MAPK10: variants seen among roughly 807,000 people sequenced by gnomAD.
The protein encoded by MAPK10 is mitogen-activated protein kinase 10, also known as JNK3 alpha protein kinase.
MAPK10 carries 25 observed loss-of-function variants against 59.3 expected under a neutral mutation model. The ratio of observed to expected loss-of-function variants is 0.42; its 90% confidence interval spans 0.31 to 0.59. The LOEUF is 0.59. Ranked by LOEUF, MAPK10 falls within the 20% of genes least tolerant of loss-of-function variation. MAPK10 has a pLI of 0.15. For missense variants in MAPK10, 351 were observed against 568.9 expected (o/e 0.62, Z 3.90); for synonymous variants, 190 against 200.5 (o/e 0.95, Z 0.44).
At chr4:86,572,523 A>G (rs1761536565) in intron 1 of MAPK10, among the ~76,000 whole-genome samples, 2 of 152,212 alleles carry the variant, frequency 1.3e-5, no homozygotes, top group African/African-American at 4.8e-5. Context: ...CTATATGCAA[A>G]CAGGGCAGAA....
intron 3 of MAPK10, among the ~76,000 whole-genome samples, chr4:86,168,778 C>G (rs1041542113): frequency 6.6e-6 from 1 of 152,184 alleles, no homozygotes; most frequent in African/African-American, 2.4e-5. Flanking sequence ...GTCCCTGACC[C>G]CTGACCCCCG....
intron 9 of MAPK10, among the ~76,000 whole-genome samples, chr4:86,070,839 C>A (rs977612647): frequency 2.0e-5 from 3 of 151,984 alleles, no homozygotes; most frequent in African/African-American, 4.8e-5. Context: ...GTGAATAATG[C>A]CATAATAAAA....
At chr4:86,527,605 T>C (rs1460600143) in intron 1 of MAPK10, among the ~76,000 whole-genome samples, 3 of 152,114 alleles carry the variant, frequency 2.0e-5, no homozygotes, top group Non-Finnish European at 4.4e-5. Flanking sequence ...AGTTTGGAGA[T>C]TTCTCAAAGC....
chr4:86,103,168 A>T lies in MAPK10; in HGVS notation c.425+18T>A, dbSNP rs766013389. ...TGAGTGCTGTGCTCTCCCTTCCTTC[A>T]TGAGTTTTGTTACTTACACATCTTG... On this transcript the variant is annotated intron_variant, in intron 6 of 13. Transcript: ENST00000641462. 5.6e-6 allele frequency: 9 copies of T among 1,595,528 alleles called. No homozygotes were observed. In the Admixed American group the frequency reaches 1.5e-4, roughly 27 times the overall value.
chr4:86,419,370 C>T (rs1290002518), intron 1 of MAPK10, among the ~76,000 whole-genome samples: 1 of 152,060 alleles, frequency 6.6e-6, no homozygotes, highest in South Asian at 2.1e-4. Flanking sequence ...ACCTTGCATA[C>T]ATATCTAACA....
At chr4:86,157,844 T>C (rs994352992) in intron 4 of MAPK10, among the ~76,000 whole-genome samples, 2 of 152,054 alleles carry the variant, frequency 1.3e-5, no homozygotes, top group Non-Finnish European at 2.9e-5. Context: ...ATTAAAGGTC[T>C]ATCAGTTTTC....
intron 1 of MAPK10, among the ~76,000 whole-genome samples, chr4:86,544,428 T>C (rs2149096591): frequency 6.6e-6 from 1 of 152,348 alleles, no homozygotes; most frequent in African/African-American, 2.4e-5. Flanking sequence ...CTACATACTA[T>C]TCTTACTGGA....
chr4:86,228,282 A>G lies in MAPK10; in HGVS notation c.-6-33875T>C, dbSNP rs1194393579. Reference sequence around the variant, plus strand: ...TGGCTTGTGTGTATATGAAAAGTGTACTTGCAGGAGGGTCATTTGCTATCT... The same window carrying G: ...TGGCTTGTGTGTATATGAAAAGTGTGCTTGCAGGAGGGTCATTTGCTATCT... On this transcript the variant is annotated intron_variant, in intron 2 of 13. Coordinates refer to ENST00000641462, the MANE Select transcript of MAPK10 (RefSeq NM_138982.4). Among the ~76,000 whole-genome samples the G allele has an allele frequency of 2.6e-5, 4 of 152,176 alleles. No homozygotes were observed. In the South Asian group the frequency reaches 8.3e-4, roughly 32 times the overall value.
intron 1 of MAPK10, among the ~76,000 whole-genome samples, chr4:86,558,413 C>T (rs1371248742): frequency 1.3e-5 from 2 of 152,038 alleles, no homozygotes; most frequent in African/African-American, 4.8e-5. Context: ...CTCACCACAC[C>T]CCTCTGAGGC....
chr4:86,365,912 A>G (rs1444392407), intron 1 of MAPK10, among the ~76,000 whole-genome samples: 1 of 152,190 alleles, frequency 6.6e-6, no homozygotes, highest in Non-Finnish European at 1.5e-5. Flanking sequence ...TTTCAAAAGC[A>G]TGGAAATGTA....
intron 4 of MAPK10, among the ~76,000 whole-genome samples, chr4:86,132,283 A>T (rs998590443): frequency 6.6e-6 from 1 of 152,178 alleles, no homozygotes; most frequent in Non-Finnish European, 1.5e-5. Flanking sequence ...GTAGTAGAGT[A>T]GTTATTCCTC....
At chr4:86,146,345 T>C (rs1016644079) in intron 4 of MAPK10, among the ~76,000 whole-genome samples, 1 of 152,210 alleles carries the variant, frequency 6.6e-6, no homozygotes, top group African/African-American at 2.4e-5. Context: ...AATGTGATGA[T>C]GCTAATAATC....
chr4:86,027,557 T>C (rs1490207101), intron 13 of MAPK10: 3 of 152,226 alleles, frequency 2.0e-5, no homozygotes, highest in Non-Finnish European at 4.4e-5. Flanking sequence ...ATATTTATAA[T>C]AATGGTGTAA....
At chr4:86,579,518 CA>C (rs1762118649) in intron 1 of MAPK10, among the ~76,000 whole-genome samples, 1 of 103,194 alleles carries the variant, frequency 9.7e-6, no homozygotes, top group Non-Finnish European at 2.3e-5. Flanking sequence ...TATGTGTATA[CA>C]CACACACACA....
At chr4:86,103,063 G>A in intron 6 of MAPK10, 123 bp downstream of exon 6, 1 of 643,454 alleles carries the variant, frequency 1.6e-6, no homozygotes, top group African/African-American at 2.1e-5. Flanking sequence ...AGCAGTATAA[G>A]GGATTTCAAC....
At chr4:86,196,011 C>A (rs1419809720) in intron 2 of MAPK10, among the ~76,000 whole-genome samples, 1 of 152,094 alleles carries the variant, frequency 6.6e-6, no homozygotes, top group African/African-American at 2.4e-5. Flanking sequence ...CTATTGTGAA[C>A]AGTGCTGCAA....
chr4:86,565,771 T>A (rs1565050195), intron 1 of MAPK10, among the ~76,000 whole-genome samples: 1 of 138,326 alleles, frequency 7.2e-6, no homozygotes, highest in Non-Finnish European at 1.6e-5. Context: ...CAGCTTATCA[T>A]TTTTTTGCAG....
chr4:86,433,555 C>CTTCTTTTTTTTT (rs1424833074), intron 1 of MAPK10, among the ~76,000 whole-genome samples: 6 of 97,600 alleles, frequency 6.1e-5, no homozygotes, highest in African/African-American at 2.4e-4. Context: ...GGGCCTTCTT[C>CTTCTTTTTTTTT]TTTTTTTTTT....
chr4:86,145,825 A>T (rs2064857088), intron 4 of MAPK10, among the ~76,000 whole-genome samples: 1 of 152,088 alleles, frequency 6.6e-6, no homozygotes, highest in Admixed American at 6.6e-5. Context: ...TGTAACATCC[A>T]GCATTTCCTC....
Sources: allele counts gnomAD v4.1 joint callset (sites outside exome capture counted in the v4.1 genomes callset), GRCh38; gene constraint gnomAD v4.1.1; transcripts MANE v1.5; gene names NCBI Gene and HGNC (gene_info 2026-07-23, HGNC 2026-07-21).